The following ARHGEF7 variants were observed in gnomAD, a reference collection of about 807,000 sequenced individuals.
The protein encoded by ARHGEF7 is PAK-interacting exchange factor beta.
ARHGEF7 carries 33 observed loss-of-function variants against 109.8 expected under a neutral mutation model. The observed-to-expected ratio is 0.30, with a 90% confidence interval of 0.23 to 0.40. The LOEUF (loss-of-function observed/expected upper bound fraction) is 0.40. ARHGEF7 is among the 10% of genes least tolerant of loss of function. The pLI, the probability that ARHGEF7 is intolerant of heterozygous loss-of-function variation, is 1.00. For synonymous variants in ARHGEF7, 458 were observed against 424.6 expected (o/e 1.08, Z -0.97); for missense variants, 938 against 1,098.5 (o/e 0.85, Z 2.07).
At chr13:111,212,426 C>T (rs2082612383) in intron 4 of ARHGEF7, among the ~76,000 whole-genome samples, 1 of 152,192 alleles carries the variant, frequency 6.6e-6, no homozygotes, top group African/African-American at 2.4e-5. Context: ...GTTCATACTT[C>T]ACTCTTTGTT....
chr13:111,123,863 C>CT (rs1491146435), intron 1 of ARHGEF7, among the ~76,000 whole-genome samples: 1 of 3,946 alleles, frequency 2.5e-4, no homozygotes, highest in South Asian at 7.6e-3. Context: ...GTGGGCTGCG[C>CT]CCCCCCCCCC....
At chr13:111,210,431 G>C (rs2082356104) in intron 4 of ARHGEF7, among the ~76,000 whole-genome samples, 4 of 152,218 alleles carry the variant, frequency 2.6e-5, no homozygotes. Context: ...ATGAAAGCAT[G>C]GCTTAGTGTG....
intron 2 of ARHGEF7, among the ~76,000 whole-genome samples, chr13:111,161,963 G>A (rs900374790): frequency 6.6e-6 from 1 of 152,190 alleles, no homozygotes; most frequent in Non-Finnish European, 1.5e-5. Context: ...CCACGGTTGT[G>A]AACAGTGGAC....
At chr13:111,188,472 C>A (rs973606458) in intron 2 of ARHGEF7, among the ~76,000 whole-genome samples, 1 of 152,222 alleles carries the variant, frequency 6.6e-6, no homozygotes, top group Non-Finnish European at 1.5e-5. Context: ...CCACTGCTAT[C>A]CATCCTTTCC....
chr13:111,179,373 T>A (rs573056919), intron 2 of ARHGEF7, among the ~76,000 whole-genome samples: 1 of 152,314 alleles, frequency 6.6e-6, no homozygotes, highest in South Asian at 2.1e-4. Context: ...AATGAGCCAC[T>A]GCACCCGGCC....
At chr13:111,292,690 C>G in intron 19 of ARHGEF7, 1 of 1,050,968 alleles carries the variant, frequency 9.5e-7, no homozygotes, top group South Asian at 3.4e-5. Context: ...TGAAATCACA[C>G]AGGTTTGTGA....
intron 3 of ARHGEF7, among the ~76,000 whole-genome samples, chr13:111,206,796 C>T (rs1341650640): frequency 2.0e-5 from 3 of 151,508 alleles, no homozygotes; most frequent in African/African-American, 7.3e-5. Flanking sequence ...CCCGTCTCAA[C>T]TAAAAATACA....
At chr13:111,203,609 T>C (rs943612359) in intron 2 of ARHGEF7, among the ~76,000 whole-genome samples, 2 of 152,242 alleles carry the variant, frequency 1.3e-5, no homozygotes, top group African/African-American at 4.8e-5. Flanking sequence ...TGATATTTCC[T>C]TGTGAACTTT....
chr13:111,124,914 C>A (rs1407902636), intron 1 of ARHGEF7, among the ~76,000 whole-genome samples: 1 of 152,146 alleles, frequency 6.6e-6, no homozygotes, highest in Admixed American at 6.5e-5. Flanking sequence ...TGTGCGCCAC[C>A]ATGCCCGGCT....
Position 111,277,936 on chromosome 13 carries a change from T to G in ARHGEF7, c.1506+263T>G, listed in dbSNP as rs549050864. On this transcript the variant is annotated intron_variant, in intron 13 of 21. Transcript: ENST00000646102. ...CAGACTACTGTGGCACAAGTCAGTC[T>G]CTGTCATTGCCTTCTGTCGTTTCAT... Among the ~76,000 whole-genome samples the G allele has an allele frequency of 2.0e-5, 3 of 152,340 alleles. No individual in the cohort carries two copies. In the South Asian group the frequency reaches 6.2e-4, roughly 32 times the overall value.
chr13:111,296,187 T>C (rs1392360600), intron 19 of ARHGEF7, among the ~76,000 whole-genome samples: 2 of 150,078 alleles, frequency 1.3e-5, no homozygotes, highest in African/African-American at 2.5e-5. Flanking sequence ...ATGGAAATGC[T>C]GGGTTAGATC....
chr13:111,192,216 C>T (rs2079973182), intron 2 of ARHGEF7, among the ~76,000 whole-genome samples: 1 of 152,054 alleles, frequency 6.6e-6, no homozygotes, highest in Non-Finnish European at 1.5e-5. Flanking sequence ...AAATTTAACT[C>T]GGGTGTGGTG....
chr13:111,291,988 C>T lies in ARHGEF7; in HGVS notation c.2135-130C>T. 8.1e-6 allele frequency: 6 copies of T among 740,612 alleles called. No homozygotes were observed. The South Asian group carries it at 1.2e-4, about 14-fold the overall frequency. 45.9% of individuals were successfully genotyped at this position (740,612 alleles called of 1,614,324 possible). On this transcript the variant is annotated intron_variant, in intron 18 of 21. Transcript: ENST00000646102. ...AATATGCATTGTTGCCAATTTTTAA[C>T]ACTATTTTCTCTTTTCCTTCTCTTC...
chr13:111,283,195 G>A lies in ARHGEF7; in HGVS notation c.1782G>A (p.Pro594=), dbSNP rs755596825. The change falls in exon 16 of 22, where the codon CCG becomes CCA. Residue 594 remains proline (P), a synonymous_variant. Transcript: ENST00000646102. Reference sequence around the variant, plus strand: ...AGCACGCAGACAGCAAGCCCGCGCCGCTGACGCCCGCCTACCACACGCTGC... The same window carrying A: ...AGCACGCAGACAGCAAGCCCGCGCCACTGACGCCCGCCTACCACACGCTGC... ...SSKHADSKPA[P]LTPAYHTLPH... is the part of the protein sequence containing the mutation. 86 of 1,595,766 alleles carry A rather than the reference G, an allele frequency of 5.4e-5. No individual in the cohort carries two copies. The highest frequency in any genetic ancestry group is 1.1e-4 in the East Asian group (5 of 44,218).
intron 6 of ARHGEF7, among the ~76,000 whole-genome samples, chr13:111,241,629 C>G (rs1373358756): frequency 1.3e-5 from 2 of 152,190 alleles, no homozygotes; most frequent in Non-Finnish European, 2.9e-5. Flanking sequence ...GGGAAGCTTT[C>G]ATTTCTACAA....
chr13:111,218,997 C>G (rs2083477844), intron 5 of ARHGEF7, among the ~76,000 whole-genome samples: 1 of 152,144 alleles, frequency 6.6e-6, no homozygotes, highest in African/African-American at 2.4e-5. Context: ...CAGCACCTGC[C>G]TGTTCTTATT....
chr13:111,222,055 C>A (rs897783828), intron 5 of ARHGEF7, among the ~76,000 whole-genome samples: 1 of 152,060 alleles, frequency 6.6e-6, no homozygotes, highest in Non-Finnish European at 1.5e-5. Flanking sequence ...TTAGGTGGTG[C>A]CCAGCAGCTT....
rs1019340959 is a variant in ARHGEF7, at chr13:111,153,771, G to A, written c.166-134G>A. ...GGTTGGCATCTGGGGCAGCGGGCTCGCTCCAGGCCGTCGGGGGCCGCTCGC... is the reference window on the plus strand; with the variant it reads ...GGTTGGCATCTGGGGCAGCGGGCTCACTCCAGGCCGTCGGGGGCCGCTCGC... On this transcript the variant is annotated intron_variant, in intron 1 of 21. Transcript: ENST00000646102. 13 of 1,362,204 alleles carry A rather than the reference G, an allele frequency of 9.5e-6. No individual in the cohort carries two copies. In the African/African-American group the frequency reaches 2.0e-4, roughly 21 times the overall value. 84.4% of individuals were successfully genotyped at this position (1,362,204 alleles called of 1,614,324 possible).
rs1264030411 is a variant in ARHGEF7, at chr13:111,272,872, TAAC to T, written c.1074-939_1074-937del. ...GTTGCGGTCAGGTGACTGTCAGCCT[TAAC>T]AAACGTGTGGGTGAAGAGCTGGACC... On this transcript the variant is annotated intron_variant, in intron 9 of 21. Transcript: ENST00000646102. This position sits in a 1 kb window ranked among gnomAD's most constrained non-coding sequence, Gnocchi z 5.2. 6.6e-6 allele frequency among the ~76,000 whole-genome samples: 1 copy of T among 152,082 alleles called. No individual in the cohort carries two copies. Among genetic ancestry groups the T allele is most frequent in the Non-Finnish European group, 1.5e-5 (1 of 68,014 alleles).
Sources: gnomAD v4.1 joint callset for allele counts (sites outside exome capture counted in the v4.1 genomes callset) on GRCh38, gnomAD v4.1.1 for gene constraint, Gnocchi (gnomAD v3.1) non-coding constraint, MANE v1.5 for transcripts, NCBI Gene and HGNC (gene_info 2026-07-23, HGNC 2026-07-21) for gene names.